The following PRKCE variants were observed in gnomAD, a reference collection of about 807,000 sequenced individuals.
PRKCE encodes the protein protein kinase C epsilon, also known as protein kinase C epsilon type.
Under a neutral mutation model 85.4 loss-of-function variants are expected in PRKCE, and 16 were observed. That is an observed-to-expected ratio of 0.19 (90% CI 0.13 to 0.28). PRKCE has a LOEUF of 0.28. Among genes scored for constraint, PRKCE ranks in the 10% least tolerant of loss-of-function variants. PRKCE has a pLI of 1.00. For missense variants in PRKCE, 573 were observed against 975.2 expected (o/e 0.59, Z 5.49); for synonymous variants, 388 against 371.5 (o/e 1.04, Z -0.51).
intron 2 of PRKCE, among the ~76,000 whole-genome samples, chr2:45,896,167 G>A (rs1029356097): frequency 8.5e-5 from 13 of 152,188 alleles, no homozygotes; most frequent in African/African-American, 2.7e-4. Context: ...TAAATGGTCA[G>A]TTATCCCTGC....
At chr2:45,900,897 G>C (rs1186417873) in intron 2 of PRKCE, among the ~76,000 whole-genome samples, 2 of 152,214 alleles carry the variant, frequency 1.3e-5, no homozygotes, top group Admixed American at 6.5e-5. Flanking sequence ...GAACTAGATT[G>C]CTTTCTGCTG....
At chr2:46,100,370 C>T (rs1012239118) in intron 11 of PRKCE, among the ~76,000 whole-genome samples, 19 of 152,158 alleles carry the variant, frequency 1.2e-4, no homozygotes, top group African/African-American at 4.3e-4. Flanking sequence ...CCCTCTTAAC[C>T]AAAACAAATA....
At position 46,146,444 on chromosome 2, in the gene PRKCE, G is replaced by A. The variant is rs12998358; in HGVS notation, c.1731+1213G>A. Among the ~76,000 whole-genome samples the A allele has an allele frequency of 7.2e-3, 1,099 of 152,366 alleles. 4 individuals are homozygous for A. Among genetic ancestry groups the A allele is most frequent in the Admixed American group, 0.013 (200 of 15,310 alleles). ...TAAAGAAGCTTTTGGTCTAAAGGGA[G>A]TGATAGATAAGTAAACAACTAATTA... On this transcript the variant is annotated intron_variant, in intron 12 of 14. Transcript: ENST00000306156.
At chr2:45,831,868 AT>A (rs1690450744) in intron 1 of PRKCE, among the ~76,000 whole-genome samples, 1 of 152,222 alleles carries the variant, frequency 6.6e-6, no homozygotes, top group African/African-American at 2.4e-5. Flanking sequence ...ACTTTTGGCT[AT>A]ATTTTAATAA....
intron 5 of PRKCE, among the ~76,000 whole-genome samples, chr2:45,980,757 GAGCT>G (rs10539803): frequency 0.8 from 120,894 of 151,706 alleles, 48,602 homozygotes; most frequent in East Asian, 0.99. Context: ...CTTGTCTAAT[GAGCT>G]AGCTGATGGG....
At chr2:45,692,745 C>A (rs1356493683) in intron 1 of PRKCE, among the ~76,000 whole-genome samples, 1 of 151,436 alleles carries the variant, frequency 6.6e-6, no homozygotes, top group East Asian at 1.9e-4. Flanking sequence ...GCACACACAC[C>A]CCCACACACA....
At chr2:45,681,025 G>A (rs891026893) in intron 1 of PRKCE, among the ~76,000 whole-genome samples, 6 of 151,940 alleles carry the variant, frequency 3.9e-5, no homozygotes, top group Admixed American at 6.6e-5. Flanking sequence ...GTGCGGTGGC[G>A]CACGCCTGTA....
intron 1 of PRKCE, among the ~76,000 whole-genome samples, chr2:45,781,104 G>A (rs575955967): frequency 3.3e-5 from 5 of 152,176 alleles, no homozygotes; most frequent in Non-Finnish European, 4.4e-5. Flanking sequence ...AGGCTGAGGC[G>A]GGAGGATCAC....
At chr2:45,749,567 T>A (rs6711648) in intron 1 of PRKCE, among the ~76,000 whole-genome samples, 174 of 152,310 alleles carry the variant, frequency 1.1e-3, no homozygotes, top group African/African-American at 3.9e-3. Flanking sequence ...AAATATGAAA[T>A]GACAATCATA....
chr2:45,766,719 C>T (rs907466728), intron 1 of PRKCE, among the ~76,000 whole-genome samples: 1 of 152,190 alleles, frequency 6.6e-6, no homozygotes, highest in Non-Finnish European at 1.5e-5. Flanking sequence ...CTTCCACTCA[C>T]ATTCAAATTC....
At chr2:45,898,374 C>A (rs1696311468) in intron 2 of PRKCE, among the ~76,000 whole-genome samples, 1 of 152,196 alleles carries the variant, frequency 6.6e-6, no homozygotes, top group Admixed American at 6.5e-5. Flanking sequence ...CTGCTGGAAG[C>A]TGTCTGTCTT....
intron 1 of PRKCE, among the ~76,000 whole-genome samples, chr2:45,721,701 C>A (rs1680633861): frequency 6.6e-6 from 1 of 152,002 alleles, no homozygotes; most frequent in East Asian, 1.9e-4. Flanking sequence ...ACAAGCTAAA[C>A]CCCATCTCCA....
chr2:45,674,994 T>C (rs1282847094), intron 1 of PRKCE: 1 of 152,230 alleles, frequency 6.6e-6, no homozygotes, highest in Non-Finnish European at 1.5e-5. Flanking sequence ...AGTATCTTAA[T>C]TTCCATTTGC....
intron 1 of PRKCE, among the ~76,000 whole-genome samples, chr2:45,799,739 G>A (rs1014741238): frequency 3.9e-5 from 6 of 152,260 alleles, no homozygotes; most frequent in Admixed American, 6.5e-5. Flanking sequence ...CCTAGTCTGC[G>A]GATGGCACTG....
chr2:45,793,008 AG>A (rs1173814347), intron 1 of PRKCE, among the ~76,000 whole-genome samples: 1 of 152,250 alleles, frequency 6.6e-6, no homozygotes, highest in Non-Finnish European at 1.5e-5. Flanking sequence ...CATGTTGGCC[AG>A]GATGGTCTCA....
At chr2:45,812,639 C>T (rs965813085) in intron 1 of PRKCE, among the ~76,000 whole-genome samples, 6 of 152,218 alleles carry the variant, frequency 3.9e-5, no homozygotes, top group Non-Finnish European at 8.8e-5. Context: ...ACACTTATTA[C>T]GCCCGTGCCT....
chr2:45,799,280 T>G (rs1687677859), intron 1 of PRKCE, among the ~76,000 whole-genome samples: 1 of 152,226 alleles, frequency 6.6e-6, no homozygotes, highest in African/African-American at 2.4e-5. Flanking sequence ...ATAATCCCAA[T>G]TTATACTCAT....
Position 46,184,651 on chromosome 2 carries a change from G to A in PRKCE, c.2068-84G>A. ...TAGAGGCCTGCTTTGGTGACAGGCT[G>A]GTCAGTGCGGTGCCCACTCCCCATG... On this transcript the variant is annotated intron_variant, in intron 14 of 14. Coordinates refer to ENST00000306156, the MANE Select transcript of PRKCE (RefSeq NM_005400.3). This position sits in a 1 kb window ranked among gnomAD's most constrained non-coding sequence, Gnocchi z 5.0. 6.6e-7 allele frequency: 1 copy of A among 1,517,274 alleles called. No homozygotes were observed. Among genetic ancestry groups the A allele is most frequent in the Non-Finnish European group, 8.9e-7 (1 of 1,128,088 alleles). 94.0% of individuals were successfully genotyped at this position (1,517,274 alleles called of 1,614,324 possible). A position where few individuals can be genotyped will look rare whatever the true frequency, so the allele number is the denominator to read the frequency against.
At chr2:46,047,489 C>T (rs895911940) in intron 10 of PRKCE, among the ~76,000 whole-genome samples, 6 of 152,188 alleles carry the variant, frequency 3.9e-5, no homozygotes, top group African/African-American at 9.7e-5. Context: ...GCTGTGAGCT[C>T]GCAGTGCTGT....
Sources: gnomAD v4.1 joint callset for allele counts (sites outside exome capture counted in the v4.1 genomes callset) on GRCh38, gnomAD v4.1.1 for gene constraint, Gnocchi (gnomAD v3.1) non-coding constraint, MANE v1.5 for transcripts, NCBI Gene and HGNC (gene_info 2026-07-23, HGNC 2026-07-21) for gene names.